Variants in NACC2 observed in about 807,000 individuals in gnomAD.
NACC2 encodes the protein NACC family member 2.
A neutral mutation model predicts 25.1 loss-of-function variants in NACC2; 8 were observed. The observed-to-expected ratio is 0.32, with a 90% CI of 0.19 to 0.57. NACC2 has a LOEUF of 0.57. Ranked by LOEUF, NACC2 falls within the 20% of genes least tolerant of loss-of-function variation. The pLI is 0.89. For synonymous variants in NACC2, 435 were observed against 294.7 expected, an observed-to-expected ratio of 1.48 and a Z score of -4.88; for missense variants, 644 against 650.2, an observed-to-expected ratio of 0.99 and a Z score of 0.10.
At position 136,009,781 on chromosome 9, in the gene NACC2, T is replaced by A. The variant is rs1300854516; in HGVS notation, c.*1735A>T. 6.6e-6 allele frequency: 1 copy of A among 152,486 alleles called. No homozygotes were observed. The highest frequency in any genetic ancestry group is 2.4e-5 in the African/African-American group (1 of 41,418). The allele number at this position is 152,486 out of a possible 1,614,324, so 9.4% of individuals were successfully genotyped here. A position where few individuals can be genotyped will look rare whatever the true frequency, so the allele number is the denominator to read the frequency against. ...GAGGCGGCCTCCGCTTGATGGGTTG[T>A]GGAGGTTGGGGGAGTGGGGTGCGCT... On this transcript the variant is annotated 3_prime_UTR_variant, in exon 6 of 6. Coordinates refer to ENST00000277554, the MANE Select transcript of NACC2 (RefSeq NM_144653.5).
chr9:136,031,765 A>T (rs946662835), intron 2 of NACC2, among the ~76,000 whole-genome samples: 1 of 152,240 alleles, frequency 6.6e-6, no homozygotes, highest in African/African-American at 2.4e-5. Flanking sequence ...TAAAGAAAAT[A>T]TTAGCAAATA....
chr9:136,073,114 G>GACTA (rs1588580251), intron 1 of NACC2, among the ~76,000 whole-genome samples: 1 of 152,114 alleles, frequency 6.6e-6, no homozygotes, highest in East Asian at 1.9e-4. Flanking sequence ...TTTAACAAAG[G>GACTA]ACTAATATCT....
chr9:136,068,351 T>C (rs751167313), intron 1 of NACC2, among the ~76,000 whole-genome samples: 2 of 148,312 alleles, frequency 1.3e-5, no homozygotes, highest in Admixed American at 1.3e-4. Flanking sequence ...ATACAAAAAT[T>C]AGTTGGGCAT....
intron 1 of NACC2, among the ~76,000 whole-genome samples, chr9:136,061,392 C>G (rs2131171087): frequency 6.6e-6 from 1 of 152,274 alleles, no homozygotes; most frequent in South Asian, 2.1e-4. Flanking sequence ...TCCCCTCCCT[C>G]CAGGCCCAGA....
chr9:136,031,192 T>C (rs1046078002), intron 2 of NACC2, among the ~76,000 whole-genome samples: 2 of 152,192 alleles, frequency 1.3e-5, no homozygotes, highest in African/African-American at 2.4e-5. Context: ...TTCCAGGTCA[T>C]TAAAGACAAG....
intron 1 of NACC2, among the ~76,000 whole-genome samples, chr9:136,058,356 C>T (rs1840959566): frequency 6.9e-6 from 1 of 145,046 alleles, no homozygotes; most frequent in African/African-American, 2.5e-5. Context: ...CTGGCCCAGG[C>T]CCTTCCCAGC....
At chr9:136,032,519 G>A (rs890710195) in intron 2 of NACC2, among the ~76,000 whole-genome samples, 32 of 152,194 alleles carry the variant, frequency 2.1e-4, no homozygotes, top group African/African-American at 7.7e-4. Flanking sequence ...AAATGAGACA[G>A]GGATATGTAA....
intron 2 of NACC2, among the ~76,000 whole-genome samples, chr9:136,042,704 A>G (rs1564227889): frequency 6.6e-6 from 1 of 151,420 alleles, no homozygotes; most frequent in East Asian, 1.9e-4. Context: ...ACACACACAC[A>G]GACACAGAGA....
At chr9:136,071,542 C>CAAAAAAAAAAAAAAAAAAAAAAAAAAAAA (rs34087690) in intron 1 of NACC2, among the ~76,000 whole-genome samples, 1 of 83,284 alleles carries the variant, frequency 1.2e-5, no homozygotes. Context: ...GACTCCATCT[C>CAAAAAAAAAAAAAAAAAAAAAAAAAAAAA]AAAAAAAAAA....
In NACC2 at chr9:136,006,952, T is replaced by C. The variant is rs796257245; in HGVS notation, c.*4564A>G. The C allele has an allele frequency of 2.6e-5, 4 of 153,256 alleles. No individual in the cohort carries two copies. In the South Asian group the frequency reaches 6.1e-4, roughly 24 times the overall value. 9.5% of individuals were successfully genotyped at this position (153,256 alleles called of 1,614,324 possible). On this transcript the variant is annotated 3_prime_UTR_variant, in exon 6 of 6. Coordinates refer to ENST00000277554, the MANE Select transcript of NACC2 (RefSeq NM_144653.5). ...ACAGTACTTTAACCCCTAAACAGACTCTTTAAAACAACCGTCTCCTTTTTA... is the reference window on the plus strand; with the variant it reads ...ACAGTACTTTAACCCCTAAACAGACCCTTTAAAACAACCGTCTCCTTTTTA...
At position 136,018,624 on chromosome 9, in the gene NACC2, CAACAG is replaced by C. The variant is rs1840238608; in HGVS notation, c.887-2200_887-2196del. Among the ~76,000 whole-genome samples, 2 of 151,978 alleles carry C rather than the reference CAACAG, an allele frequency of 1.3e-5. No homozygotes were observed. Among genetic ancestry groups the C allele is most frequent in the African/African-American group, 4.8e-5 (2 of 41,370 alleles). ...CCCAGGGACACCCAAGCAGAGGCTG[CAACAG>C]AACAGAGGCCAGAAAGGGGGCCTCA... On this transcript the variant is annotated intron_variant, in intron 2 of 5. Coordinates refer to ENST00000277554, the MANE Select transcript of NACC2 (RefSeq NM_144653.5). This position sits in a 1 kb window ranked among gnomAD's most constrained non-coding sequence, Gnocchi z 4.4.
At chr9:136,065,811 C>CAAAA (rs34024892) in intron 1 of NACC2, among the ~76,000 whole-genome samples, 1 of 136,860 alleles carries the variant, frequency 7.3e-6, no homozygotes, top group African/African-American at 2.8e-5. Flanking sequence ...ACCCTGTCTC[C>CAAAA]AAAAAAAAAA....
rs912283235 is a variant in NACC2 at position 136,050,060 on chromosome 9, G to C, written c.462C>G (p.Ala154=). ...GGGACACGACGTAGGGGGCCGCGGC[G>C]GCGGCGGCCGGCTGCAGCTGGTTGC... The part of the protein sequence containing the change: ...SPCNQLQPAA[A]AAAPYVVSPS... The change falls in exon 2 of 6, where the codon GCC becomes GCG. Residue 154 remains alanine, a synonymous_variant. Coordinates refer to ENST00000277554, the MANE Select transcript of NACC2 (RefSeq NM_144653.5). The C allele has an allele frequency of 1.4e-4, 99 of 689,812 alleles. No individual in the cohort carries two copies. The highest frequency in any genetic ancestry group is 1.2e-3 in the Middle Eastern group (3 of 2,526). 42.7% of individuals were successfully genotyped at this position (689,812 alleles called of 1,614,324 possible).
chr9:136,013,181 A>T lies in NACC2; in HGVS notation c.1255+18T>A. The T allele has an allele frequency of 2.9e-6, 2 of 685,554 alleles. No individual in the cohort carries two copies. Among genetic ancestry groups the T allele is most frequent in the Non-Finnish European group, 5.0e-6 (2 of 401,530 alleles). The allele number at this position is 685,554 out of a possible 1,614,324, so 42.5% of individuals were successfully genotyped here. ...CCAGCCCCGGCCCCACCCACCCGAG[A>T]GACCCCCAGGCTCTTACATTTCACA... On this transcript the variant is annotated intron_variant, in intron 5 of 5. Coordinates refer to ENST00000277554, the MANE Select transcript of NACC2 (RefSeq NM_144653.5). The surrounding 1 kb of genome is among the most constrained non-coding windows in gnomAD (Gnocchi z 6.6).
chr9:136,033,648 C>CAAAAAAAAA (rs558163152), intron 2 of NACC2, among the ~76,000 whole-genome samples: 1 of 71,198 alleles, frequency 1.4e-5, no homozygotes, highest in Non-Finnish European at 2.6e-5. Flanking sequence ...GACTCTGTCT[C>CAAAAAAAAA]AAAAAAAAAA....
chr9:136,087,966 G>A (rs1157478963), intron 1 of NACC2, among the ~76,000 whole-genome samples: 8 of 138,932 alleles, frequency 5.8e-5, no homozygotes, highest in Non-Finnish European at 1.7e-5. Flanking sequence ...TCCGGGAGGT[G>A]ACCTGGGGAC....
At chr9:136,029,629 G>A (rs2131146232) in intron 2 of NACC2, among the ~76,000 whole-genome samples, 1 of 152,306 alleles carries the variant, frequency 6.6e-6, no homozygotes, top group South Asian at 2.1e-4. Flanking sequence ...CACCTTCTTT[G>A]GGGCTCTGCA....
At position 136,018,676 on chromosome 9, in the gene NACC2, C is replaced by T. The variant is rs1840239658; in HGVS notation, c.887-2247G>A. Among the ~76,000 whole-genome samples, 1 of 152,146 alleles carries T rather than the reference C, an allele frequency of 6.6e-6. No individual in the cohort carries two copies. The highest frequency in any genetic ancestry group is 2.4e-5 in the African/African-American group (1 of 41,496). On this transcript the variant is annotated intron_variant, in intron 2 of 5. Coordinates refer to ENST00000277554, the MANE Select transcript of NACC2 (RefSeq NM_144653.5). The surrounding 1 kb of genome is among the most constrained non-coding windows in gnomAD (Gnocchi z 4.4). ...CTCAAAGGTGGGTGCACAGCCCCTG[C>T]CCGGCCACTACAGGGGTCAGGCAGC... is the stretch of plus-strand genomic sequence containing the variant.
At chr9:136,051,888 G>A (rs561902503) in intron 1 of NACC2, among the ~76,000 whole-genome samples, 2 of 116,788 alleles carry the variant, frequency 1.7e-5, no homozygotes, top group East Asian at 2.3e-4. Context: ...GGAGGAGGAG[G>A]AGGAGGAGGA....
Sources: allele counts gnomAD v4.1 joint callset (sites outside exome capture counted in the v4.1 genomes callset), GRCh38; gene constraint gnomAD v4.1.1; non-coding constraint Gnocchi (gnomAD v3.1); transcripts MANE v1.5; gene names NCBI Gene and HGNC (gene_info 2026-07-23, HGNC 2026-07-21).